Variants in GRK4 observed in about 807,000 individuals in gnomAD.
GRK4 encodes the protein G protein-coupled receptor kinase 4.
GRK4 carries 73 observed loss-of-function variants against 77.9 expected under a neutral mutation model. The ratio of observed to expected loss-of-function variants is 0.94; its 90% CI spans 0.78 to 1.14. The LOEUF (loss-of-function observed/expected upper bound fraction) is 1.14. GRK4 is among the 50% of genes most tolerant of loss of function. GRK4 has a pLI of 0.00. For synonymous variants in GRK4, 257 were observed against 254.4 expected, an observed-to-expected ratio of 1.01 and a Z score of -0.10; for missense variants, 729 against 700.2, an observed-to-expected ratio of 1.04 and a Z score of -0.46.
chr4:3,032,351 G>A (rs1053606326), intron 12 of GRK4, among the ~76,000 whole-genome samples: 3 of 151,974 alleles, frequency 2.0e-5, no homozygotes, highest in South Asian at 4.2e-4. Flanking sequence ...GGTGGTGGGC[G>A]CCTGTAATCC....
At chr4:3,024,657 C>T (rs1216904052) in intron 10 of GRK4, among the ~76,000 whole-genome samples, 2 of 152,020 alleles carry the variant, frequency 1.3e-5, no homozygotes, top group African/African-American at 2.4e-5. Flanking sequence ...GTCAAGAGTT[C>T]GAGACCAGCC....
intron 4 of GRK4, 97 bp from the exon 5 acceptor site, chr4:3,004,134 C>A: frequency 1.1e-6 from 1 of 910,674 alleles, no homozygotes. Flanking sequence ...ATTTTATACA[C>A]TTTGTGTTTC....
At chr4:2,988,973 A>G in intron 3 of GRK4, 134 bp downstream of exon 3, 1 of 605,172 alleles carries the variant, frequency 1.7e-6, no homozygotes, top group Non-Finnish European at 3.0e-6. Flanking sequence ...TCATGAGGTC[A>G]GGAGATCGAG....
chr4:2,976,587 C>T (rs564474889), intron 1 of GRK4, among the ~76,000 whole-genome samples: 5 of 151,394 alleles, frequency 3.3e-5, no homozygotes, highest in Admixed American at 6.6e-5. Flanking sequence ...TTGCACCCAC[C>T]GTTCTTTCCT....
intron 15 of GRK4, 31 bp from the exon 16 acceptor site, chr4:3,040,541 G>C (rs368017713): frequency 1.3e-6 from 2 of 1,593,498 alleles, no homozygotes; most frequent in East Asian, 4.5e-5. Flanking sequence ...CGCATCAGCC[G>C]TGTGCCTGAG....
chr4:2,980,573 G>A (rs1002194506), intron 1 of GRK4, among the ~76,000 whole-genome samples: 11 of 151,696 alleles, frequency 7.3e-5, no homozygotes, highest in Non-Finnish European at 1.3e-4. Flanking sequence ...GGACTCACTG[G>A]AAGCCTTGTC....
At chr4:3,034,153 C>T (rs566776482) in intron 12 of GRK4, among the ~76,000 whole-genome samples, 11 of 152,250 alleles carry the variant, frequency 7.2e-5, no homozygotes, top group African/African-American at 2.4e-4. Flanking sequence ...TAATCTAGTG[C>T]AGGTATGGGG....
At chr4:2,997,814 A>G (rs1469040702) in intron 4 of GRK4, among the ~76,000 whole-genome samples, 2 of 151,940 alleles carry the variant, frequency 1.3e-5, no homozygotes, top group South Asian at 2.1e-4. Flanking sequence ...AGGCTGAGGC[A>G]AGAGAATCAC....
chr4:2,989,906 T>A (rs1467204393), intron 3 of GRK4, among the ~76,000 whole-genome samples: 1 of 152,178 alleles, frequency 6.6e-6, no homozygotes, highest in Non-Finnish European at 1.5e-5. Context: ...AAGTGACCAA[T>A]AGAAAATTGG....
In GRK4 at chr4:2,979,724, C is replaced by CA. The variant is rs914419721; in HGVS notation, c.53-4781dup. Among the ~76,000 whole-genome samples, 9 of 152,042 alleles carry CA rather than the reference C, an allele frequency of 5.9e-5. No homozygotes were observed. The South Asian group carries it at 6.2e-4, about 11-fold the overall frequency. Reference sequence around the variant, plus strand: ...GTGAAACTCCGTCCCCCTACCCCCCCAAAAAAAATCCATGTGTGGTGGTGC... The same window carrying CA: ...GTGAAACTCCGTCCCCCTACCCCCCCAAAAAAAAATCCATGTGTGGTGGTGC... On this transcript the variant is annotated intron_variant, in intron 1 of 15. Coordinates refer to ENST00000398052, the MANE Select transcript of GRK4 (RefSeq NM_182982.3).
chr4:2,973,087 G>A (rs1720058502), intron 1 of GRK4, among the ~76,000 whole-genome samples: 1 of 152,202 alleles, frequency 6.6e-6, no homozygotes, highest in African/African-American at 2.4e-5. Flanking sequence ...TGGGTGCTGA[G>A]TCCTCACCTC....
chr4:3,027,717 G>T (rs1737958234), intron 10 of GRK4, among the ~76,000 whole-genome samples, 195 bp from the exon 11 acceptor site: 1 of 152,196 alleles, frequency 6.6e-6, no homozygotes, highest in Non-Finnish European at 1.5e-5. Context: ...TTTTCCTGCT[G>T]CTAGTGAAAA....
rs766869435 is a variant in GRK4, at chr4:3,022,403, G to A, written c.933-11G>A. 1.2e-6 allele frequency: 2 copies of A among 1,612,838 alleles called. No individual in the cohort carries two copies. The highest frequency in any genetic ancestry group is 1.7e-6 in the Non-Finnish European group (2 of 1,179,626). The stretch of plus-strand genomic sequence containing the variant: ...CTGAATAATTGGGCCTTTTGTTGTT[G>A]TTTCTTGTAGAGACTTGAAGCCTGA... On this transcript the variant is annotated splice_polypyrimidine_tract_variant and intron_variant, in intron 9 of 15. Transcript: ENST00000398052.
chr4:3,019,883 C>T, intron 9 of GRK4, 52 bp downstream of exon 9: 1 of 1,539,666 alleles, frequency 6.5e-7, no homozygotes, highest in Non-Finnish European at 8.8e-7. Flanking sequence ...CCGGTTTCTC[C>T]CAGCCCTAGG....
intron 4 of GRK4, among the ~76,000 whole-genome samples, chr4:3,001,364 TATA>T (rs1385366122): frequency 2.8e-5 from 3 of 108,530 alleles, no homozygotes; most frequent in African/African-American, 8.8e-5. Flanking sequence ...CATATATATA[TATA>T]TATTTTTTTT....
intron 15 of GRK4, 151 bp from the exon 16 acceptor site, chr4:3,040,421 A>G: frequency 3.4e-6 from 2 of 582,052 alleles, no homozygotes; most frequent in Non-Finnish European, 5.9e-6. Context: ...AGCCTGGGCG[A>G]CAGAGTGAGA....
In GRK4 at chr4:3,035,539, G is replaced by A; in HGVS notation, c.1407+16G>A. On this transcript the variant is annotated intron_variant, in intron 13 of 15. Transcript: ENST00000398052. ...CTGTCCTGATGTAAGTGCATTGCCAGGACGAGCAGGGCCCTAGGAACAGTG... is the reference window on the plus strand; with the variant it reads ...CTGTCCTGATGTAAGTGCATTGCCAAGACGAGCAGGGCCCTAGGAACAGTG... 1 of 1,606,652 alleles carries A rather than the reference G, an allele frequency of 6.2e-7. No homozygotes were observed. Among genetic ancestry groups the A allele is most frequent in the Non-Finnish European group, 8.5e-7 (1 of 1,176,500 alleles).
chr4:3,005,274 T>A (rs1226714168), intron 5 of GRK4, among the ~76,000 whole-genome samples: 5 of 151,942 alleles, frequency 3.3e-5, no homozygotes, highest in African/African-American at 1.2e-4. Context: ...CAGGGAGCCA[T>A]GAGAAAGTTT....
intron 1 of GRK4, among the ~76,000 whole-genome samples, chr4:2,964,812 G>T (rs1716984874): frequency 6.6e-6 from 1 of 152,094 alleles, no homozygotes; most frequent in Non-Finnish European, 1.5e-5. Flanking sequence ...GGGTTAAAAA[G>T]AAAAGAAGAA....
Sources: allele counts gnomAD v4.1 joint callset (sites outside exome capture counted in the v4.1 genomes callset), GRCh38; gene constraint gnomAD v4.1.1; transcripts MANE v1.5; gene names NCBI Gene and HGNC (gene_info 2026-07-23, HGNC 2026-07-21).